The following CHODL variants were observed in gnomAD, a reference collection of about 807,000 sequenced individuals.
CHODL encodes the protein chondrolectin.
A neutral mutation model predicts 34.5 loss-of-function variants in CHODL; 29 were observed. That is an observed-to-expected ratio of 0.84 (90% confidence interval 0.63 to 1.15). The LOEUF (loss-of-function observed/expected upper bound fraction) is 1.15, where lower values mean the gene tolerates loss of function less well. CHODL is among the 50% of genes most tolerant of loss of function. The pLI is 0.00. For missense variants in CHODL, 332 were observed against 332.5 expected, an observed-to-expected ratio of 1.00 and a Z score of 0.01; for synonymous variants, 125 against 116.1, an observed-to-expected ratio of 1.08 and a Z score of -0.49.
chr21:18,167,604 C>T lies in CHODL; in HGVS notation c.-44-88905C>T, dbSNP rs138552024. On this transcript the variant is annotated intron_variant, in intron 2 of 6. Transcript: ENST00000400127. The stretch of plus-strand genomic sequence containing the variant: ...GTTTACAGGCGTGAGCCACCGTGCC[C>T]GGCCTTTATTAAGATTTTTGAAGGA... Among the ~76,000 whole-genome samples the T allele has an allele frequency of 1.1e-3, 174 of 152,104 alleles. 2 individuals carry two copies. In the East Asian group the frequency reaches 0.02, roughly 18 times the overall value.
At chr21:18,196,597 GAAATAC>G (rs2073591054) in intron 2 of CHODL, among the ~76,000 whole-genome samples, 2 of 152,110 alleles carry the variant, frequency 1.3e-5, no homozygotes, top group South Asian at 4.1e-4. Context: ...GTTGTTTAGA[GAAATAC>G]AAATATCTTC....
intron 2 of CHODL, among the ~76,000 whole-genome samples, chr21:18,136,792 G>A (rs2072739117): frequency 7.2e-6 from 1 of 139,242 alleles, no homozygotes; most frequent in South Asian, 2.3e-4. Flanking sequence ...TCACATATAT[G>A]ATATACATCA....
intron 2 of CHODL, among the ~76,000 whole-genome samples, chr21:18,234,014 TA>T (rs1240997099): frequency 1.3e-5 from 2 of 152,138 alleles, no homozygotes; most frequent in Admixed American, 1.3e-4. Context: ...ATTAACTTCT[TA>T]AAATGCTGGA....
intron 1 of CHODL, among the ~76,000 whole-genome samples, chr21:17,999,499 G>A (rs977856171): frequency 2.0e-5 from 3 of 152,008 alleles, no homozygotes; most frequent in African/African-American, 7.3e-5. Context: ...AAACACATAC[G>A]TGAAACTGTG....
intron 1 of CHODL, among the ~76,000 whole-genome samples, chr21:17,985,907 A>C (rs1225937942): frequency 1.3e-5 from 2 of 152,282 alleles, no homozygotes; most frequent in Non-Finnish European, 2.9e-5. Flanking sequence ...CTGTCTGATG[A>C]GGGCCTACTT....
At chr21:18,099,580 C>T (rs767863895) in intron 2 of CHODL, among the ~76,000 whole-genome samples, 5 of 151,928 alleles carry the variant, frequency 3.3e-5, no homozygotes, top group South Asian at 2.1e-4. Flanking sequence ...TTCAAAAAGC[C>T]ATCCAATAAA....
At chr21:17,950,965 G>A (rs1005870801) in intron 1 of CHODL, among the ~76,000 whole-genome samples, 3 of 151,948 alleles carry the variant, frequency 2.0e-5, no homozygotes. Context: ...GTGGTCTGAG[G>A]TCTTAAAGTA....
chr21:17,968,496 A>G (rs1206972258), intron 1 of CHODL, among the ~76,000 whole-genome samples: 1 of 152,260 alleles, frequency 6.6e-6, no homozygotes, highest in Non-Finnish European at 1.5e-5. Context: ...TCTGATAAAT[A>G]AAAAATTATT....
At chr21:18,106,661 A>G (rs1234902198) in intron 2 of CHODL, among the ~76,000 whole-genome samples, 1 of 151,240 alleles carries the variant, frequency 6.6e-6, no homozygotes, top group Non-Finnish European at 1.5e-5. Context: ...CACCTGGCCA[A>G]TTTTTTCTAT....
chr21:18,173,666 TCAATAA>T (rs2073258337), intron 2 of CHODL, among the ~76,000 whole-genome samples: 1 of 152,096 alleles, frequency 6.6e-6, no homozygotes, highest in African/African-American at 2.4e-5. Flanking sequence ...AAGGCCTTAG[TCAATAA>T]TCAAAAGTCT....
At chr21:18,202,100 C>T (rs1347297691) in intron 2 of CHODL, among the ~76,000 whole-genome samples, 10 of 152,176 alleles carry the variant, frequency 6.6e-5, no homozygotes, top group Non-Finnish European at 8.8e-5. Flanking sequence ...CCACGGCGCC[C>T]GGCCTACAGA....
chr21:18,086,830 G>C lies in CHODL; in HGVS notation c.-45+58859G>C, dbSNP rs541639087. On this transcript the variant is annotated intron_variant, in intron 2 of 6. Transcript: ENST00000400127. The stretch of plus-strand genomic sequence containing the variant: ...TGGCTTCTGAAGGGCTGATTCTTGG[G>C]CCTCCAGATAGCTTGCTTATAAGCC... Among the ~76,000 whole-genome samples the C allele has an allele frequency of 9.0e-4, 137 of 152,264 alleles. 1 individual carries two copies. Among genetic ancestry groups the C allele is most frequent in the African/African-American group, 3.1e-3 (129 of 41,574 alleles).
intron 2 of CHODL, among the ~76,000 whole-genome samples, chr21:18,107,513 C>T (rs942407105): frequency 7.9e-5 from 12 of 152,204 alleles, no homozygotes; most frequent in South Asian, 2.1e-4. Context: ...AGAACTTAGT[C>T]GCATCTGTCC....
chr21:18,172,474 T>C (rs779440806), intron 2 of CHODL, among the ~76,000 whole-genome samples: 18 of 152,208 alleles, frequency 1.2e-4, no homozygotes, highest in Non-Finnish European at 2.2e-4. Context: ...GTACACCTAT[T>C]TATTTTTTCA....
chr21:18,231,149 A>G (rs2146755103), intron 2 of CHODL, among the ~76,000 whole-genome samples: 1 of 152,238 alleles, frequency 6.6e-6, no homozygotes, highest in African/African-American at 2.4e-5. Flanking sequence ...CATCTTACTC[A>G]GCTTTTAAGT....
intron 2 of CHODL, among the ~76,000 whole-genome samples, chr21:18,179,630 A>G (rs750514828): frequency 6.6e-6 from 1 of 152,148 alleles, no homozygotes; most frequent in Admixed American, 6.5e-5. Flanking sequence ...GTATGTAGGG[A>G]CCAATTATGT....
intron 1 of CHODL, among the ~76,000 whole-genome samples, chr21:17,977,469 G>C (rs553814357): frequency 1.3e-5 from 2 of 149,828 alleles, no homozygotes; most frequent in South Asian, 4.2e-4. Flanking sequence ...GAGTTCAAGC[G>C]ATTCTCCTGC....
At chr21:18,251,741 TTTTA>T (rs1371128004) in intron 1 of CHODL, among the ~76,000 whole-genome samples, 7 of 139,494 alleles carry the variant, frequency 5.0e-5, no homozygotes, top group African/African-American at 8.0e-5. Flanking sequence ...ATTTTATTTA[TTTTA>T]TTTATTTATT....
At chr21:18,220,142 T>C (rs866030051) in intron 2 of CHODL, among the ~76,000 whole-genome samples, 16 of 152,196 alleles carry the variant, frequency 1.1e-4, no homozygotes, top group Admixed American at 8.5e-4. Context: ...TAAGCATAAC[T>C]ACTCTTGCAT....
Sources: allele counts gnomAD v4.1 joint callset (sites outside exome capture counted in the v4.1 genomes callset), GRCh38; gene constraint gnomAD v4.1.1; transcripts MANE v1.5; gene names NCBI Gene and HGNC (gene_info 2026-07-23, HGNC 2026-07-21).